The following ZNF536 variants were observed in gnomAD, a reference collection of about 807,000 sequenced individuals.
ZNF536 encodes the protein zinc finger protein 536.
Under a neutral mutation model 84.5 loss-of-function variants are expected in ZNF536, and 13 were observed. That is an observed-to-expected ratio of 0.15 (90% CI 0.10 to 0.24). The LOEUF (loss-of-function observed/expected upper bound fraction) is 0.24, where lower values mean the gene tolerates loss of function less well. ZNF536 is among the 10% of genes least tolerant of loss of function. The pLI is 1.00. For synonymous variants in ZNF536, 811 were observed against 742.5 expected (o/e 1.09, Z -1.50); for missense variants, 1,536 against 1,747.5 (o/e 0.88, Z 2.16).
chr19:30,631,102 C>T (rs139834202), intron 1 of ZNF536, among the ~76,000 whole-genome samples: 638 of 152,280 alleles, frequency 4.2e-3, no homozygotes, highest in Non-Finnish European at 6.4e-3. Flanking sequence ...GCCGTGCAGC[C>T]GGGCACTCCC....
At chr19:30,242,432 T>C (rs936839720) in intron 1 of ZNF536, among the ~76,000 whole-genome samples, 2 of 152,174 alleles carry the variant, frequency 1.3e-5, no homozygotes, top group African/African-American at 2.4e-5. Flanking sequence ...GACTTGGTTG[T>C]GCTTCACGCA....
At chr19:30,612,400 G>A (rs780276553) in intron 1 of ZNF536, among the ~76,000 whole-genome samples, 1 of 152,116 alleles carries the variant, frequency 6.6e-6, no homozygotes, top group African/African-American at 2.4e-5. Flanking sequence ...GACTTTGCGG[G>A]ACCATCACCT....
intron 1 of ZNF536, among the ~76,000 whole-genome samples, chr19:30,592,738 A>G (rs1169118883): frequency 6.6e-6 from 1 of 150,656 alleles, no homozygotes; most frequent in Non-Finnish European, 1.5e-5. Flanking sequence ...TTTACCCCCC[A>G]TTTGCCAGCA....
chr19:30,470,590 A>T (rs1232152043), intron 2 of ZNF536, among the ~76,000 whole-genome samples: 2 of 151,960 alleles, frequency 1.3e-5, no homozygotes, highest in Non-Finnish European at 2.9e-5. Flanking sequence ...CTCCCCCACT[A>T]ATGGACAACC....
intron 1 of ZNF536, among the ~76,000 whole-genome samples, chr19:30,248,864 C>T (rs1244195849): frequency 6.6e-6 from 1 of 152,062 alleles, no homozygotes; most frequent in Non-Finnish European, 1.5e-5. Context: ...CTTTTTAGCA[C>T]CCCTCCCCCA....
intron 1 of ZNF536, among the ~76,000 whole-genome samples, chr19:30,384,104 CTTTCTTTCTTTCTTTCTTTCTT>C (rs2049201676): frequency 1.2e-3 from 68 of 56,912 alleles, no homozygotes; most frequent in South Asian, 8.4e-3. Context: ...CTTTCTCTTT[CTTTCTTTCTTTCTTTCTTTCTT>C]TCTTTCTTTC....
intron 2 of ZNF536, among the ~76,000 whole-genome samples, chr19:30,448,119 G>A (rs769243748): frequency 6.6e-6 from 1 of 152,182 alleles, no homozygotes; most frequent in Non-Finnish European, 1.5e-5. Context: ...CCTCATTGAA[G>A]TATTTTACAA....
At position 30,389,961 on chromosome 19, in the gene ZNF536, G is replaced by A. The variant is rs149037435; in HGVS notation, c.-3+17405G>A. 3.9e-4 allele frequency among the ~76,000 whole-genome samples: 59 copies of A among 152,324 alleles called. 1 individual carries two copies. The highest frequency in any genetic ancestry group is 1.4e-3 in the African/African-American group (58 of 41,576). Reference sequence around the variant, plus strand: ...GCTGTTTCTGATATGTTTTACCTAAGATTTCTCAAATGGCTGCTGGGATCC... The same window carrying A: ...GCTGTTTCTGATATGTTTTACCTAAAATTTCTCAAATGGCTGCTGGGATCC... On this transcript the variant is annotated intron_variant, in intron 1 of 4. Coordinates refer to ENST00000355537, the MANE Select transcript of ZNF536 (RefSeq NM_014717.3).
At chr19:30,680,555 A>T (rs927657312) in intron 1 of ZNF536, among the ~76,000 whole-genome samples, 1 of 151,774 alleles carries the variant, frequency 6.6e-6, no homozygotes, top group African/African-American at 2.4e-5. Flanking sequence ...TTCCAATTTC[A>T]TCCATGTCCC....
At chr19:30,361,997 A>G (rs1469487751) in intron 3 of ZNF536, among the ~76,000 whole-genome samples, 1 of 150,132 alleles carries the variant, frequency 6.7e-6, no homozygotes, top group Non-Finnish European at 1.5e-5. Context: ...AAGGAGGCAC[A>G]TTAACCCATG....
At chr19:30,290,928 G>C (rs2045817471) in intron 2 of ZNF536, among the ~76,000 whole-genome samples, 1 of 152,168 alleles carries the variant, frequency 6.6e-6, no homozygotes, top group East Asian at 1.9e-4. Context: ...TTATGAGTGA[G>C]AACATGTGGT....
At chr19:30,265,913 C>T (rs912045683) in intron 1 of ZNF536, among the ~76,000 whole-genome samples, 2 of 151,570 alleles carry the variant, frequency 1.3e-5, no homozygotes, top group South Asian at 2.1e-4. Flanking sequence ...TTTTGAGAGA[C>T]AGGGCCTTGA....
At chr19:30,439,955 C>CTTTTTTTTTTTTTTTT (rs1369505835) in intron 1 of ZNF536, among the ~76,000 whole-genome samples, 8 of 133,044 alleles carry the variant, frequency 6.0e-5, no homozygotes, top group African/African-American at 2.1e-4. Flanking sequence ...CTTTTTCTTT[C>CTTTTTTTTTTTTTTTT]TTTCTTTTTT....
At chr19:30,670,764 T>C (rs530121812) in intron 1 of ZNF536, among the ~76,000 whole-genome samples, 4 of 152,186 alleles carry the variant, frequency 2.6e-5, no homozygotes, top group Non-Finnish European at 5.9e-5. Context: ...TTCAGGCAGG[T>C]TCTGAAGGCA....
intron 2 of ZNF536, among the ~76,000 whole-genome samples, chr19:30,305,797 C>A (rs542927032): frequency 7.9e-5 from 12 of 152,296 alleles, no homozygotes; most frequent in African/African-American, 1.9e-4. Context: ...TGCCCTGGCC[C>A]CTGGTAGGCA....
At chr19:30,299,404 T>C (rs2046106986) in intron 2 of ZNF536, among the ~76,000 whole-genome samples, 1 of 152,148 alleles carries the variant, frequency 6.6e-6, no homozygotes, top group Non-Finnish European at 1.5e-5. Context: ...CAGTGACTCT[T>C]TGATGCAATG....
At position 30,518,289 on chromosome 19, in the gene ZNF536, A is replaced by G. The variant is rs183879962; in HGVS notation, c.2171-16558A>G. 5.9e-5 allele frequency among the ~76,000 whole-genome samples: 9 copies of G among 152,354 alleles called. No individual in the cohort carries two copies. In the East Asian group the frequency reaches 1.5e-3, roughly 26 times the overall value. On this transcript the variant is annotated intron_variant, in intron 2 of 4. Transcript: ENST00000355537. ...CGAAGGGTAGCTTCAGTGTTCTTAC[A>G]GGGTATTAAAGGAATACAGCGAGAG... is the stretch of plus-strand genomic sequence containing the variant.
At chr19:30,268,079 TC>T (rs986003098) in intron 1 of ZNF536, among the ~76,000 whole-genome samples, 3 of 93,142 alleles carry the variant, frequency 3.2e-5, no homozygotes, top group Non-Finnish European at 5.9e-5. Flanking sequence ...CATCCTTCCC[TC>T]CCCCCCAGAT....
At chr19:30,559,673 G>A (rs148377610), downstream of ZNF536, among the ~76,000 whole-genome samples, 109 of 152,296 alleles carry the variant, frequency 7.2e-4, 1 homozygote, top group Middle Eastern at 3.4e-3. Flanking sequence ...CATGTGGGGG[G>A]CTGGGCTTTG....
Sources: gnomAD v4.1 joint callset for allele counts (sites outside exome capture counted in the v4.1 genomes callset) on GRCh38, gnomAD v4.1.1 for gene constraint, MANE v1.5 for transcripts, NCBI Gene and HGNC (gene_info 2026-07-23, HGNC 2026-07-21) for gene names.